The following SERPINB12 variants were observed in gnomAD, a reference collection of about 807,000 sequenced individuals.
SERPINB12 encodes the protein serpin B12.
SERPINB12 carries 57 observed loss-of-function variants against 41.1 expected under a neutral mutation model. The ratio of observed to expected loss-of-function variants is 1.39; its 90% CI spans 1.12 to 1.73. SERPINB12 has a LOEUF of 1.73. Among genes scored for constraint, SERPINB12 ranks in the 40% most tolerant of loss-of-function variants. SERPINB12 has a pLI of 0.00. For missense variants in SERPINB12, 536 were observed against 501.9 expected (o/e 1.07, Z -0.65); for synonymous variants, 180 against 181.3 (o/e 0.99, Z 0.06).
chr18:63,537,632 A>G (rs1030489394), upstream of SERPINB12, among the ~76,000 whole-genome samples: 2 of 152,144 alleles, frequency 1.3e-5, no homozygotes, highest in African/African-American at 4.8e-5. Context: ...GATGAAAACA[A>G]ATCAGTAGAA....
chr18:63,561,361 C>A (rs540994004), intron 5 of SERPINB12, among the ~76,000 whole-genome samples, 159 bp downstream of exon 5: 1 of 152,300 alleles, frequency 6.6e-6, no homozygotes, highest in Admixed American at 6.5e-5. Flanking sequence ...CATCTCACAC[C>A]AGTCAGAATG....
intron 1 of SERPINB12, among the ~76,000 whole-genome samples, chr18:63,547,313 T>G (rs145267887): frequency 3.1e-4 from 47 of 152,312 alleles, no homozygotes; most frequent in African/African-American, 1.1e-3. Flanking sequence ...AAACATAAGA[T>G]GGTATAATAT....
the SERPINB12 span, among the ~76,000 whole-genome samples, chr18:63,528,418 A>T: frequency 4.6e-5 from 7 of 151,634 alleles, no homozygotes; most frequent in Non-Finnish European, 1.0e-4. Flanking sequence ...AAATAAATAA[A>T]TAAATAAATC....
At chr18:63,522,163 A>G in the SERPINB12 span, among the ~76,000 whole-genome samples, 2 of 152,248 alleles carry the variant, frequency 1.3e-5, no homozygotes, top group Non-Finnish European at 2.9e-5. Context: ...GATTGACCAC[A>G]TGGTAATTTC....
upstream of SERPINB12, among the ~76,000 whole-genome samples, chr18:63,537,373 T>G (rs376661576): frequency 6.6e-6 from 1 of 152,156 alleles, no homozygotes; most frequent in Admixed American, 6.6e-5. Flanking sequence ...GTGCATTGGG[T>G]TTTCTCTTTT....
chr18:63,528,944 A>G, the SERPINB12 span, among the ~76,000 whole-genome samples: 1 of 152,198 alleles, frequency 6.6e-6, no homozygotes, highest in African/African-American at 2.4e-5. Context: ...TGCAAGAATC[A>G]GAGAGGAGAT....
At chr18:63,564,838 C>T (rs1293026235) in intron 6 of SERPINB12, among the ~76,000 whole-genome samples, 2 of 152,136 alleles carry the variant, frequency 1.3e-5, no homozygotes, top group Non-Finnish European at 2.9e-5. Context: ...GCTGACTTAA[C>T]AGTGGAGATG....
intron 2 of SERPINB12, among the ~76,000 whole-genome samples, chr18:63,557,667 ATGTTCT>A (rs1910723554): frequency 6.6e-6 from 1 of 152,190 alleles, no homozygotes; most frequent in African/African-American, 2.4e-5. Flanking sequence ...CAGAATTCAG[ATGTTCT>A]TTCTTAGGCA....
At chr18:63,520,747 G>A in the SERPINB12 span, among the ~76,000 whole-genome samples, 2 of 152,182 alleles carry the variant, frequency 1.3e-5, no homozygotes, top group Admixed American at 6.5e-5. Context: ...GTAGGGGTGG[G>A]TAAACAGGAG....
At chr18:63,559,067 T>TTTCTTTCTTTC (rs1910805097) in intron 3 of SERPINB12, among the ~76,000 whole-genome samples, 1 of 26,408 alleles carries the variant, frequency 3.8e-5, no homozygotes, top group African/African-American at 6.1e-5. Context: ...TCTCTCCTTC[T>TTTCTTTCTTTC]TCTCTCCTTC....
rs541702279 is a variant in SERPINB12, at chr18:63,556,260, G to A, written c.101G>A (p.Ser34Asn). 1.2e-6 allele frequency: 2 copies of A among 1,614,024 alleles called. No homozygotes were observed. The highest frequency in any genetic ancestry group is 1.3e-5 in the African/African-American group (1 of 75,012). ...AAAAACATATTTTTCTCTCCCCTGA[G>A]CCTCTCAGCTGCCCTTGGTATGGTA... is the stretch of plus-strand genomic sequence containing the variant. ...RHKNIFFSPL[S>N]LSAALGMVRL... The change falls in exon 2 of 8, where the codon AGC becomes AAC. Residue 34 changes from serine (S) to asparagine (N), a missense_variant. Physicochemically the swap from Ser to Asn is conservative, Grantham distance 46 (BLOSUM62 1). Coordinates refer to ENST00000382768, the MANE Select transcript of SERPINB12 (RefSeq NM_001307928.2).
rs908664288 is a variant in SERPINB12, at chr18:63,568,237, C to T, written c.*1226C>T. ...CTCTACAAAAAATACAGAAATTAGC[C>T]GGGCGTGGTGGTGTGCACCTATAGT... On this transcript the variant is annotated 3_prime_UTR_variant, in exon 8 of 8. Coordinates refer to ENST00000382768, the MANE Select transcript of SERPINB12 (RefSeq NM_001307928.2). 3.3e-5 allele frequency among the ~76,000 whole-genome samples: 5 copies of T among 152,054 alleles called. No homozygotes were observed. Among genetic ancestry groups the T allele is most frequent in the Non-Finnish European group, 7.4e-5 (5 of 68,002 alleles).
intron 3 of SERPINB12, among the ~76,000 whole-genome samples, chr18:63,558,999 C>CCTCCTTCTTTCT (rs1910776267): frequency 8.7e-6 from 1 of 114,702 alleles, no homozygotes. Flanking sequence ...TCTTTCTTTC[C>CCTCCTTCTTTCT]TTCCTTCTTT....
the SERPINB12 span, among the ~76,000 whole-genome samples, chr18:63,533,366 C>T: frequency 2.0e-5 from 3 of 152,224 alleles, no homozygotes; most frequent in Admixed American, 2.0e-4. Flanking sequence ...TCAATCAGAT[C>T]TTTCAACCTT....
At chr18:63,547,799 C>G (rs950761081) in intron 1 of SERPINB12, among the ~76,000 whole-genome samples, 1 of 152,062 alleles carries the variant, frequency 6.6e-6, no homozygotes, top group African/African-American at 2.4e-5. Context: ...AGCTGATTCT[C>G]TTATGCAGAA....
chr18:63,556,774 T>C (rs1017110752), intron 2 of SERPINB12, among the ~76,000 whole-genome samples: 1 of 152,252 alleles, frequency 6.6e-6, no homozygotes, highest in Non-Finnish European at 1.5e-5. Context: ...ACTCTTTCTC[T>C]CTCACTTTAT....
rs1279198795 is a variant in SERPINB12 at position 63,561,130 on chromosome 18, A to T, written c.490A>T (p.Ser164Cys). Residue 164 changes from serine to cysteine, a missense_variant, in exon 5 of 8, where the codon AGT becomes TGT. Physicochemically the swap from Ser to Cys is moderately radical, Grantham distance 112. Coordinates refer to ENST00000382768, the MANE Select transcript of SERPINB12 (RefSeq NM_001307928.2). The part of the protein sequence containing the change: ...VIQFYHTTIE[S>C]VDFQKNPEKS... ...TCAATTTTACCACACGACGATTGAA[A>T]GTGTTGATTTCCAAAAAAACCCTGA... 1.9e-6 allele frequency: 3 copies of T among 1,613,422 alleles called. No individual in the cohort carries two copies. In the South Asian group the frequency reaches 3.3e-5, roughly 18 times the overall value.
At chr18:63,531,247 A>G in the SERPINB12 span, among the ~76,000 whole-genome samples, 1 of 152,192 alleles carries the variant, frequency 6.6e-6, no homozygotes, top group Non-Finnish European at 1.5e-5. Flanking sequence ...TCCTGAGATC[A>G]CTAAGCTTGA....
chr18:63,563,507 C>G (rs1020047715), intron 5 of SERPINB12, among the ~76,000 whole-genome samples: 1 of 152,172 alleles, frequency 6.6e-6, no homozygotes, highest in Non-Finnish European at 1.5e-5. Flanking sequence ...GCCCCATCAC[C>G]CCCTCGCTTA....
Sources: gnomAD v4.1 joint callset for allele counts (sites outside exome capture counted in the v4.1 genomes callset) on GRCh38, gnomAD v4.1.1 for gene constraint, MANE v1.5 for transcripts, NCBI Gene and HGNC (gene_info 2026-07-23, HGNC 2026-07-21) for gene names.